The following MAST4 variants were observed in gnomAD, a reference collection of about 807,000 sequenced individuals.
The protein encoded by MAST4 is microtubule associated serine/threonine kinase family member 4, also known as microtubule-associated serine/threonine-protein kinase 4.
In MAST4, 89 loss-of-function variants were observed where a neutral mutation model predicts 162.7. That is an observed-to-expected ratio of 0.55 (90% confidence interval 0.46 to 0.65). MAST4 has a LOEUF of 0.65. Ranked by LOEUF, MAST4 falls within the 30% of genes least tolerant of loss-of-function variation. The pLI, the probability that MAST4 is intolerant of heterozygous loss-of-function variation, is 0.00. For missense variants in MAST4, 3,153 were observed against 3,374.0 expected (o/e 0.93, Z 1.62); for synonymous variants, 1,479 against 1,361.1 (o/e 1.09, Z -1.91).
intron 1 of MAST4, among the ~76,000 whole-genome samples, chr5:66,634,546 T>C (rs1277449659): frequency 1.3e-5 from 2 of 152,226 alleles, no homozygotes; most frequent in Admixed American, 1.3e-4. Flanking sequence ...TTTTAAATTT[T>C]AGAAGATTCC....
At chr5:67,095,737 C>G in intron 7 of MAST4, 62 bp downstream of exon 7, 2 of 1,259,340 alleles carry the variant, frequency 1.6e-6, no homozygotes, top group Non-Finnish European at 2.1e-6. Context: ...ATTACACAGG[C>G]AGTGTTTTCT....
chr5:67,130,986 A>T (rs954469358), intron 15 of MAST4, among the ~76,000 whole-genome samples: 2 of 152,164 alleles, frequency 1.3e-5, no homozygotes, highest in Non-Finnish European at 1.5e-5. Flanking sequence ...TTGTTGACAT[A>T]AAGTTAATAA....
At position 67,114,393 on chromosome 5, in the gene MAST4, A is replaced by G. The variant is rs568007274; in HGVS notation, c.1591+174A>G. ...AAATAGCCATAAAATGGGTCCTGAG[A>G]CACGAATGAGCATGACCCATTTTGT... On this transcript the variant is annotated intron_variant, in intron 12 of 28. Coordinates refer to ENST00000403625, the MANE Select transcript of MAST4 (RefSeq NM_001164664.2). 126 of 703,046 alleles carry G rather than the reference A, an allele frequency of 1.8e-4. No individual in the cohort carries two copies. In the African/African-American group the frequency reaches 2.3e-3, roughly 13 times the overall value. 43.6% of individuals were successfully genotyped at this position (703,046 alleles called of 1,614,324 possible).
intron 1 of MAST4, among the ~76,000 whole-genome samples, chr5:66,714,945 C>A (rs772876012): frequency 6.6e-6 from 1 of 152,234 alleles, no homozygotes; most frequent in South Asian, 2.1e-4. Flanking sequence ...CTGTTTCCCC[C>A]ACCTAAGGAC....
At chr5:67,128,575 G>A (rs1336474898) in intron 14 of MAST4, among the ~76,000 whole-genome samples, 1 of 152,114 alleles carries the variant, frequency 6.6e-6, no homozygotes, top group East Asian at 1.9e-4. Context: ...AAAAGACAGA[G>A]ATAAAAACAC....
chr5:66,899,780 A>G (rs1191629675), intron 3 of MAST4, among the ~76,000 whole-genome samples, 171 bp from the exon 4 acceptor site: 1 of 152,110 alleles, frequency 6.6e-6, no homozygotes, highest in Non-Finnish European at 1.5e-5. Flanking sequence ...TGTAAAGAGA[A>G]CCGTGTAAGA....
chr5:66,816,826 C>G (rs559527355), intron 3 of MAST4, among the ~76,000 whole-genome samples: 33 of 152,284 alleles, frequency 2.2e-4, no homozygotes, highest in African/African-American at 7.9e-4. Context: ...TTTGGGATCA[C>G]CTGGGGTGAC....
At chr5:66,851,542 C>T (rs1255348875) in intron 3 of MAST4, among the ~76,000 whole-genome samples, 1 of 152,208 alleles carries the variant, frequency 6.6e-6, no homozygotes, top group Non-Finnish European at 1.5e-5. Context: ...CAGTTTAATT[C>T]ATGTGAGATA....
intron 3 of MAST4, among the ~76,000 whole-genome samples, chr5:66,849,570 C>T (rs1759150025): frequency 6.6e-6 from 1 of 152,060 alleles, no homozygotes; most frequent in South Asian, 2.1e-4. Context: ...CAGGGTAAGG[C>T]GTTCCTTCTT....
Position 66,651,530 on chromosome 5 carries a change from T to C in MAST4, c.363+54512T>C, listed in dbSNP as rs75248298. ...TGGGACAGCAACCAATAGTGATTGT[T>C]ACCATTGGCAACTTAATTAGATAAA... On this transcript the variant is annotated intron_variant, in intron 1 of 28. Transcript: ENST00000403625. 6.8e-3 allele frequency among the ~76,000 whole-genome samples: 1,028 copies of C among 152,224 alleles called. 2 individuals are homozygous for C. Among genetic ancestry groups the C allele is most frequent in the South Asian group, 0.029 (139 of 4,808 alleles).
chr5:66,993,581 C>T (rs575662083), intron 4 of MAST4, among the ~76,000 whole-genome samples: 2 of 152,276 alleles, frequency 1.3e-5, no homozygotes, highest in African/African-American at 4.8e-5. Context: ...CCTTACAGCT[C>T]ATGCTTGAAA....
At chr5:66,952,964 A>C (rs1408204719) in intron 4 of MAST4, among the ~76,000 whole-genome samples, 1 of 152,220 alleles carries the variant, frequency 6.6e-6, no homozygotes, top group Non-Finnish European at 1.5e-5. Context: ...TGGAGACTCT[A>C]TAGATGTACC....
At chr5:67,096,190 A>C (rs1764451492) in intron 7 of MAST4, among the ~76,000 whole-genome samples, 1 of 152,212 alleles carries the variant, frequency 6.6e-6, no homozygotes, top group South Asian at 2.1e-4. Context: ...ACTTAGAAGA[A>C]GGTTAAGATA....
At position 67,165,421 on chromosome 5, in the gene MAST4, C is replaced by A; in HGVS notation, c.6242C>A (p.Pro2081His). Residue 2081 changes from proline (P) to histidine (H), a missense_variant, in exon 29 of 29, where the codon CCC becomes CAC. Transcript: ENST00000403625. ...GGCAAGGTGAGGCGTGGCGTGGAAC[C>A]CAAGCCCGAAGCGCTTCTTGCCAGG... ...ELGKVRRGVEPKPEALLARRS... is the reference protein window; with the variant it reads ...ELGKVRRGVEHKPEALLARRS... 6.2e-7 allele frequency: 1 copy of A among 1,613,924 alleles called. No homozygotes were observed. The highest frequency in any genetic ancestry group is 1.1e-5 in the South Asian group (1 of 91,088).
intron 3 of MAST4, among the ~76,000 whole-genome samples, chr5:66,833,372 C>G (rs1349326732): frequency 6.6e-6 from 1 of 152,148 alleles, no homozygotes; most frequent in African/African-American, 2.4e-5. Flanking sequence ...TTGGAAATGT[C>G]TGGTACCCCA....
intron 3 of MAST4, chr5:66,792,633 A>G (rs1172970850): frequency 1.3e-5 from 2 of 152,074 alleles, no homozygotes; most frequent in Non-Finnish European, 2.9e-5. Context: ...TAAAATCTCT[A>G]TGGCTTTGCT....
At chr5:66,954,335 C>A (rs186694897) in intron 4 of MAST4, among the ~76,000 whole-genome samples, 13 of 152,274 alleles carry the variant, frequency 8.5e-5, no homozygotes, top group Admixed American at 7.8e-4. Flanking sequence ...TCTTTGAGGT[C>A]ATTGCTCTGA....
intron 1 of MAST4, among the ~76,000 whole-genome samples, chr5:66,632,872 A>G (rs1700423542): frequency 6.6e-6 from 1 of 152,258 alleles, no homozygotes; most frequent in South Asian, 2.1e-4. Flanking sequence ...CAGACATATA[A>G]ATAGAATGAT....
intron 1 of MAST4, among the ~76,000 whole-genome samples, chr5:66,611,368 C>T (rs1458352943): frequency 6.6e-6 from 1 of 152,228 alleles, no homozygotes; most frequent in Non-Finnish European, 1.5e-5. Flanking sequence ...CGGATGTCTG[C>T]ATCATTTCAA....
Sources: gnomAD v4.1 joint callset for allele counts (sites outside exome capture counted in the v4.1 genomes callset) on GRCh38, gnomAD v4.1.1 for gene constraint, MANE v1.5 for transcripts, NCBI Gene and HGNC (gene_info 2026-07-23, HGNC 2026-07-21) for gene names.